The following MED12L variants were observed in gnomAD, a reference collection of about 807,000 sequenced individuals.
The protein encoded by MED12L is mediator of RNA polymerase II transcription subunit 12-like protein.
MED12L carries 60 observed loss-of-function variants against 281.3 expected under a neutral mutation model. The ratio of observed to expected loss-of-function variants is 0.21; its 90% confidence interval spans 0.17 to 0.26. The LOEUF (loss-of-function observed/expected upper bound fraction) is 0.26, where lower values mean the gene tolerates loss of function less well. Ranked by LOEUF, MED12L falls within the 10% of genes least tolerant of loss-of-function variation. MED12L has a pLI of 1.00. For missense variants in MED12L, 2,146 were observed against 2,680.9 expected (o/e 0.80, Z 4.41); for synonymous variants, 974 against 987.2 (o/e 0.99, Z 0.25).
intron 2 of MED12L, among the ~76,000 whole-genome samples, chr3:151,093,549 A>C (rs1008480056): frequency 6.6e-6 from 1 of 152,146 alleles, no homozygotes; most frequent in East Asian, 1.9e-4. Flanking sequence ...AATAAATACT[A>C]CTCGAAGTAT....
intron 16 of MED12L, among the ~76,000 whole-genome samples, chr3:151,261,971 C>A (rs902079703): frequency 2.0e-5 from 3 of 152,144 alleles, no homozygotes; most frequent in African/African-American, 7.2e-5. Flanking sequence ...AAGTGATTGA[C>A]CCGCCTCGGC....
chr3:151,103,240 AT>A (rs1471240630), intron 2 of MED12L, among the ~76,000 whole-genome samples: 1 of 152,008 alleles, frequency 6.6e-6, no homozygotes, highest in Non-Finnish European at 1.5e-5. Flanking sequence ...AGTTTCCTAG[AT>A]TTTTTTTCTG....
intron 37 of MED12L, among the ~76,000 whole-genome samples, chr3:151,388,816 G>C (rs1486797365): frequency 6.6e-6 from 1 of 152,098 alleles, no homozygotes; most frequent in African/African-American, 2.4e-5. Context: ...TGGTGATTTA[G>C]AAATAATTTT....
At chr3:151,088,533 T>C (rs943676966) in intron 2 of MED12L, among the ~76,000 whole-genome samples, 2 of 152,196 alleles carry the variant, frequency 1.3e-5, no homozygotes, top group Non-Finnish European at 2.9e-5. Flanking sequence ...TGTCTTACTC[T>C]GTCTTTCCAG....
rs1490176239 is a variant in MED12L, at chr3:151,156,374, GA to G, written c.726+46del. On this transcript the variant is annotated intron_variant, in intron 6 of 44. Coordinates refer to ENST00000687756, the MANE Select transcript of MED12L (RefSeq NM_001393769.1). ...GCAGAGTTGTGTGCAATGCTTTTAAGAAGACAGCAAATTCCTTATAGTTTGG... is the reference window on the plus strand; with the variant it reads ...GCAGAGTTGTGTGCAATGCTTTTAAGAGACAGCAAATTCCTTATAGTTTGG... The G allele has an allele frequency of 3.9e-6, 6 of 1,522,046 alleles. No homozygotes were observed. In the Admixed American group the frequency reaches 1.3e-4, roughly 33 times the overall value. The allele number at this position is 1,522,046 out of a possible 1,614,324, so 94.3% of individuals were successfully genotyped here.
At chr3:151,418,691 A>T (rs1232722685) in intron 43 of MED12L, among the ~76,000 whole-genome samples, 5 of 152,150 alleles carry the variant, frequency 3.3e-5, no homozygotes, top group Non-Finnish European at 1.5e-5. Context: ...AGATCTCCCC[A>T]CTGTGAACTT....
chr3:151,258,806 C>T (rs543466701), intron 16 of MED12L, among the ~76,000 whole-genome samples: 14 of 144,114 alleles, frequency 9.7e-5, no homozygotes, highest in Admixed American at 1.4e-4. Flanking sequence ...GAGCTGAGAT[C>T]GTGCCACTGC....
intron 11 of MED12L, among the ~76,000 whole-genome samples, chr3:151,166,241 A>G (rs546368973): frequency 6.6e-5 from 10 of 152,276 alleles, no homozygotes; most frequent in South Asian, 2.1e-4. Flanking sequence ...TCACTTTCCA[A>G]TTTTAGTTTT....
rs1712889479 is a variant in MED12L, at chr3:151,384,074, C to A, written c.4791-9C>A. The A allele has an allele frequency of 6.2e-7, 1 of 1,607,802 alleles. No homozygotes were observed. ...ACTTTAAGATGAAAATAATTATTTT[C>A]TTTCTTAGTGAATTATTCACAACAG... On this transcript the variant is annotated splice_polypyrimidine_tract_variant and intron_variant, in intron 34 of 44. Transcript: ENST00000687756.
intron 27 of MED12L, 50 bp downstream of exon 27, chr3:151,372,816 G>A (rs9855202): frequency 0.15 from 214,116 of 1,461,066 alleles, 17,310 homozygotes; most frequent in Non-Finnish European, 0.17. Context: ...CTCTTCTTTT[G>A]GAGAGAGCTA....
chr3:151,121,320 G>T (rs1038576191), intron 3 of MED12L, among the ~76,000 whole-genome samples: 2 of 152,010 alleles, frequency 1.3e-5, no homozygotes, highest in African/African-American at 4.8e-5. Context: ...AAAAAAAGAC[G>T]GACTCCTTTT....
At chr3:151,137,953 A>G (rs1265061672) in intron 5 of MED12L, among the ~76,000 whole-genome samples, 1 of 152,104 alleles carries the variant, frequency 6.6e-6, no homozygotes, top group Non-Finnish European at 1.5e-5. Flanking sequence ...ATACCTTGAC[A>G]TATTCAAGAG....
In MED12L at chr3:151,165,906, G is replaced by A. The variant is rs1216598287; in HGVS notation, c.1418G>A (p.Arg473Gln). 1 of 1,613,918 alleles carries A rather than the reference G, an allele frequency of 6.2e-7. No homozygotes were observed. The highest frequency in any genetic ancestry group is 8.5e-7 in the Non-Finnish European group (1 of 1,179,848). The change falls in exon 11 of 45, where the codon CGA becomes CAA. Residue 473 changes from arginine to glutamine, a missense_variant. Arg to Gln is a conservative substitution (Grantham distance 43). This residue lies in a region of MED12L where 722 missense variants were observed against 861.2 expected (regional missense o/e 0.84). Transcript: ENST00000687756. ...GTTTTGGATCGTCACTGTTTTGACC[G>A]AACTGATTCCAGCAATTCCATGGAG... ...LEVLDRHCFD[R>Q]TDSSNSMETL...
intron 44 of MED12L, 87 bp downstream of exon 44, chr3:151,430,467 A>G (rs1378622424): frequency 1.3e-5 from 21 of 1,586,616 alleles, no homozygotes; most frequent in East Asian, 2.3e-5. Flanking sequence ...CTCTCCCAAG[A>G]TGGTACCATC....
chr3:151,380,771 A>T (rs191558525), intron 32 of MED12L, among the ~76,000 whole-genome samples: 2 of 152,336 alleles, frequency 1.3e-5, no homozygotes, highest in Admixed American at 6.5e-5. Flanking sequence ...AAAATTTTAT[A>T]TATTGCATAT....
intron 21 of MED12L, among the ~76,000 whole-genome samples, chr3:151,364,497 A>G (rs1755042625): frequency 6.6e-6 from 1 of 152,172 alleles, no homozygotes; most frequent in South Asian, 2.1e-4. Flanking sequence ...CAGCTGTGCC[A>G]TAGTCTCCAG....
intron 43 of MED12L, among the ~76,000 whole-genome samples, chr3:151,430,035 T>C (rs1719300206): frequency 6.6e-6 from 1 of 152,180 alleles, no homozygotes; most frequent in African/African-American, 2.4e-5. Flanking sequence ...ACGTCTGTAG[T>C]GTGGAGTTCT....
At chr3:151,160,808 G>A (rs1719886127) in intron 8 of MED12L, among the ~76,000 whole-genome samples, 1 of 152,136 alleles carries the variant, frequency 6.6e-6, no homozygotes, top group African/African-American at 2.4e-5. Flanking sequence ...AGATACACAG[G>A]GGGCCAAGGC....
In MED12L at chr3:151,434,769, G is replaced by GCAAA. The variant is rs1719910167; in HGVS notation, c.*1969_*1972dup. 1 of 152,062 alleles carries GCAAA rather than the reference G, an allele frequency of 6.6e-6. No individual in the cohort carries two copies. The highest frequency in any genetic ancestry group is 2.4e-5 in the African/African-American group (1 of 41,340). 9.4% of individuals were successfully genotyped at this position (152,062 alleles called of 1,614,324 possible). A position where few individuals can be genotyped will look rare whatever the true frequency, so the allele number is the denominator to read the frequency against. On this transcript the variant is annotated 3_prime_UTR_variant, in exon 45 of 45. Transcript: ENST00000687756. The stretch of plus-strand genomic sequence containing the variant: ...ACCATATATTTTGTAGCTCAGCATT[G>GCAAA]CAAACAACAGTAATACTGTTTTAAG...
Sources: allele counts gnomAD v4.1 joint callset (sites outside exome capture counted in the v4.1 genomes callset), GRCh38; gene constraint gnomAD v4.1.1; regional missense constraint gnomAD v4.1.1; transcripts MANE v1.5; gene names NCBI Gene and HGNC (gene_info 2026-07-23, HGNC 2026-07-21).